The following CRYBA4 variants were observed in gnomAD, a reference collection of about 807,000 sequenced individuals.
CRYBA4 encodes the protein beta-crystallin A4.
Under a neutral mutation model 31.7 loss-of-function variants are expected in CRYBA4, and 30 were observed. That is an observed-to-expected ratio of 0.95 (90% CI 0.71 to 1.28). The LOEUF is 1.28. Among genes scored for constraint, CRYBA4 ranks in the 50% most tolerant of loss-of-function variants. The pLI is 0.00. For synonymous variants in CRYBA4, 102 were observed against 102.3 expected (o/e 1.00, Z 0.02); for missense variants, 225 against 260.7 (o/e 0.86, Z 0.94).
the CRYBA4 span, among the ~76,000 whole-genome samples, chr22:26,597,881 T>G: frequency 1.0e-3 from 156 of 151,970 alleles, no homozygotes; most frequent in Non-Finnish European, 1.6e-3. Flanking sequence ...GTTTTGTTGG[T>G]TTTTTTTCTT....
chr22:26,596,297 A>T, the CRYBA4 span, among the ~76,000 whole-genome samples: 337 of 151,868 alleles, frequency 2.2e-3, 4 homozygotes, highest in Non-Finnish European at 2.6e-3. Context: ...GGGCTTCACC[A>T]TGTTGACCAG....
Position 26,625,464 on chromosome 22 carries a change from C to G in CRYBA4, c.159-17C>G. ...GGGGGACGCTTACCTCCTGCACACT[C>G]TACCCTCTGTCTGCAGGTGGGTGGG... On this transcript the variant is annotated splice_polypyrimidine_tract_variant and intron_variant, in intron 3 of 5. Coordinates refer to ENST00000354760, the MANE Select transcript of CRYBA4 (RefSeq NM_001886.3). 6.2e-7 allele frequency: 1 copy of G among 1,613,558 alleles called. No homozygotes were observed. Among genetic ancestry groups the G allele is most frequent in the Non-Finnish European group, 8.5e-7 (1 of 1,179,968 alleles).
In CRYBA4 at chr22:26,626,402, TCAAAA is replaced by T. The variant is rs370403712; in HGVS notation, c.300+796_300+800del. Among the ~76,000 whole-genome samples, 264 of 152,202 alleles carry T rather than the reference TCAAAA, an allele frequency of 1.7e-3. 1 individual carries two copies. The highest frequency in any genetic ancestry group is 6.8e-3 in the Middle Eastern group (2 of 294). ...CTGGGCGCCAGAGCAAGACTCTGTC[TCAAAA>T]CAAAACAAAACAAAAAAACAAAAAC... On this transcript the variant is annotated intron_variant, in intron 4 of 5. Coordinates refer to ENST00000354760, the MANE Select transcript of CRYBA4 (RefSeq NM_001886.3).
the CRYBA4 span, chr22:26,590,228 T>C: frequency 9.6e-6 from 1 of 104,564 alleles, no homozygotes; most frequent in Non-Finnish European, 1.9e-5. Flanking sequence ...CCACTGCGCC[T>C]CGGGACCGCG....
intron 5 of CRYBA4, among the ~76,000 whole-genome samples, chr22:26,628,730 T>C (rs1346524739): frequency 6.6e-6 from 1 of 152,212 alleles, no homozygotes; most frequent in East Asian, 1.9e-4. Context: ...TGCCTGCCTC[T>C]GTGTGACTAT....
chr22:26,618,585 G>A (rs916653202), upstream of CRYBA4, among the ~76,000 whole-genome samples: 1 of 152,160 alleles, frequency 6.6e-6, no homozygotes, highest in Non-Finnish European at 1.5e-5. Context: ...GTGTTATCTC[G>A]GTCAGTCCCC....
At chr22:26,593,267 T>C in the CRYBA4 span, among the ~76,000 whole-genome samples, 6 of 152,192 alleles carry the variant, frequency 3.9e-5, no homozygotes, top group Non-Finnish European at 5.9e-5. Flanking sequence ...GAAGAATAGA[T>C]GTAGCATAAT....
the CRYBA4 span, among the ~76,000 whole-genome samples, chr22:26,600,315 C>T: frequency 6.6e-6 from 1 of 151,766 alleles, no homozygotes; most frequent in Admixed American, 6.6e-5. Context: ...AGCAGGAGAA[C>T]GGCGTGAACC....
chr22:26,621,687 A>G (rs538423566), upstream of CRYBA4, among the ~76,000 whole-genome samples: 1 of 152,160 alleles, frequency 6.6e-6, no homozygotes, highest in African/African-American at 2.4e-5. Context: ...TGGACTCCTC[A>G]TCTAGTGCTC....
the CRYBA4 span, among the ~76,000 whole-genome samples, chr22:26,592,846 G>T: frequency 2.0e-5 from 3 of 152,206 alleles, no homozygotes; most frequent in Admixed American, 1.3e-4. Context: ...GGGCATGGAG[G>T]GGGTGTTTTG....
the CRYBA4 span, chr22:26,599,370 A>G: frequency 7.6e-6 from 7 of 923,156 alleles, no homozygotes; most frequent in African/African-American, 1.6e-5. Flanking sequence ...CAAGGCACAC[A>G]TCTGTTTACA....
At chr22:26,607,797 A>G in the CRYBA4 span, 33 of 1,580,372 alleles carry the variant, frequency 2.1e-5, no homozygotes, top group Non-Finnish European at 2.8e-5. Context: ...CCTACCCACC[A>G]TCATCTCCTT....
the CRYBA4 span, chr22:26,602,114 A>G: frequency 2.0e-6 from 3 of 1,520,882 alleles, no homozygotes; most frequent in East Asian, 4.5e-5. Context: ...AGCGAGAGAG[A>G]TGAGCCTGTT....
Position 26,630,462 on chromosome 22 carries a change from A to G in CRYBA4, c.566A>G (p.Gln189Arg), listed in dbSNP as rs1240738886. ...TCTCATGCCCCGACCTTCCAGGTGC[A>G]GAGCATCCGCAGGATCCAGCAGTGA... is the stretch of plus-strand genomic sequence containing the variant. ...WGSHAPTFQV[Q>R]SIRRIQQ Residue 189 changes from glutamine (Q) to arginine (R), a missense_variant, in exon 6 of 6, where the codon CAG becomes CGG. Gln to Arg is a conservative substitution (Grantham distance 43). Coordinates refer to ENST00000354760, the MANE Select transcript of CRYBA4 (RefSeq NM_001886.3). The G allele has an allele frequency of 1.2e-6, 2 of 1,613,970 alleles. No individual in the cohort carries two copies. Among genetic ancestry groups the G allele is most frequent in the South Asian group, 1.1e-5 (1 of 91,046 alleles).
upstream of CRYBA4, among the ~76,000 whole-genome samples, chr22:26,620,373 T>A (rs899282672): frequency 6.6e-6 from 1 of 152,102 alleles, no homozygotes; most frequent in Non-Finnish European, 1.5e-5. Context: ...CTTAGACTAA[T>A]CCCAACTTAC....
the CRYBA4 span, among the ~76,000 whole-genome samples, chr22:26,611,346 A>G: frequency 3.3e-5 from 5 of 152,186 alleles, no homozygotes; most frequent in Non-Finnish European, 2.9e-5. Context: ...TGGGTGTGCC[A>G]CAGATGCTTA....
chr22:26,591,740 C>CAA, the CRYBA4 span, among the ~76,000 whole-genome samples: 234 of 94,990 alleles, frequency 2.5e-3, 2 homozygotes, highest in South Asian at 0.016. Flanking sequence ...GACTCCGTCT[C>CAA]AAAAAAAAAA....
chr22:26,622,605 G>T lies in CRYBA4; in HGVS notation c.9G>T (p.Leu3=). The change falls in exon 2 of 6, where the codon CTG becomes CTT. Residue 3 remains leucine (L), a synonymous_variant. Transcript: ENST00000354760. The part of the protein sequence containing the change: MT[L]QCTKSAGPWK... ...TGCAGGAAGGGGCCACAATGACCCTGCAATGCACAAAGTCAGCGGGACCCT... is the reference window on the plus strand; with the variant it reads ...TGCAGGAAGGGGCCACAATGACCCTTCAATGCACAAAGTCAGCGGGACCCT... 1 of 1,612,234 alleles carries T rather than the reference G, an allele frequency of 6.2e-7. No homozygotes were observed. The highest frequency in any genetic ancestry group is 8.5e-7 in the Non-Finnish European group (1 of 1,179,288).
the CRYBA4 span, among the ~76,000 whole-genome samples, chr22:26,593,931 T>C: frequency 6.6e-6 from 1 of 152,196 alleles, no homozygotes; most frequent in East Asian, 1.9e-4. Flanking sequence ...TTTATTATCA[T>C]TACTCCCATT....
Sources: allele counts gnomAD v4.1 joint callset (sites outside exome capture counted in the v4.1 genomes callset), GRCh38; gene constraint gnomAD v4.1.1; transcripts MANE v1.5; gene names NCBI Gene and HGNC (gene_info 2026-07-23, HGNC 2026-07-21).